GSK3A: variants seen among roughly 807,000 people sequenced by gnomAD.
The protein encoded by GSK3A is glycogen synthase kinase-3 alpha.
A neutral mutation model predicts 56.6 loss-of-function variants in GSK3A; 14 were observed. The ratio of observed to expected loss-of-function variants is 0.25; its 90% CI spans 0.16 to 0.39. The LOEUF (loss-of-function observed/expected upper bound fraction) is 0.39. Ranked by LOEUF, GSK3A falls within the 10% of genes least tolerant of loss-of-function variation. The probability of loss-of-function intolerance (pLI) is 1.00; values close to 1 mark genes in which losing one functional copy is unlikely to be tolerated. For missense variants in GSK3A, 450 were observed against 656.0 expected (o/e 0.69, Z 3.43); for synonymous variants, 301 against 285.0 (o/e 1.06, Z -0.56).
intron 2 of GSK3A, 135 bp from the exon 3 acceptor site, chr19:42,237,076 A>C: frequency 1.5e-6 from 1 of 685,982 alleles, no homozygotes; most frequent in Non-Finnish European, 2.7e-6. Context: ...GTATCCCCCA[A>C]TTCCTTGTCT....
intron 4 of GSK3A, among the ~76,000 whole-genome samples, chr19:42,235,788 C>T (rs932706434): frequency 2.0e-5 from 3 of 152,188 alleles, no homozygotes; most frequent in South Asian, 2.1e-4. Flanking sequence ...AGGCCTGGGT[C>T]GCAGTCAGTG....
chr19:42,239,504 C>T (rs1203606088), intron 2 of GSK3A, among the ~76,000 whole-genome samples: 2 of 152,122 alleles, frequency 1.3e-5, no homozygotes, highest in African/African-American at 4.8e-5. Flanking sequence ...CCTTCAGAAC[C>T]ACCCGCGCTA....
In GSK3A at chr19:42,242,220, T is replaced by A; in HGVS notation, c.246A>T (p.Ala82=). 6.9e-7 allele frequency: 1 copy of A among 1,443,356 alleles called. No individual in the cohort carries two copies. Among genetic ancestry groups the A allele is most frequent in the South Asian group, 1.4e-5 (1 of 72,712 alleles). The allele number at this position is 1,443,356 out of a possible 1,614,324, so 89.4% of individuals were successfully genotyped here. A position where few individuals can be genotyped will look rare whatever the true frequency, so the allele number is the denominator to read the frequency against. ...SGGGGSGGPG[A]GTSFPPPGVK... Reference sequence around the variant, plus strand: ...CCCCGGGCGGCGGGAAGCTAGTGCCTGCGCCGGGGCCTCCGCTGCCTCCTC... The same window carrying A: ...CCCCGGGCGGCGGGAAGCTAGTGCCAGCGCCGGGGCCTCCGCTGCCTCCTC... Residue 82 remains alanine (A), a synonymous_variant, in exon 1 of 11, where the codon GCA becomes GCT. Transcript: ENST00000222330.
At position 42,242,425 on chromosome 19, in the gene GSK3A, G is replaced by A. The variant is rs747505933; in HGVS notation, c.41C>T (p.Ser14Leu). 8 of 1,343,694 alleles carry A rather than the reference G, an allele frequency of 6.0e-6. 1 individual carries two copies. The highest frequency in any genetic ancestry group is 2.8e-4 in the Middle Eastern group (1 of 3,622). The allele number at this position is 1,343,694 out of a possible 1,614,324, so 83.2% of individuals were successfully genotyped here. Residue 14 changes from serine to leucine, a missense_variant, in exon 1 of 11, where the codon TCG (serine) becomes TTG (leucine). By Grantham distance (145) the Ser-to-Leu change is moderately radical (BLOSUM62 -2). This residue lies in a region of GSK3A where 193 missense variants were observed against 200.5 expected (regional missense o/e 0.96). Transcript: ENST00000222330. ...GGPSGGGPGG[S>L]GRARTSSFAE... ...GAACGAGCTAGTCCGCGCCCTGCCC[G>A]AGCCCCCAGGGCCGCCTCCCGAAGG...
At chr19:42,233,063 G>A (rs369235427) in intron 8 of GSK3A, 47 bp downstream of exon 8, 5 of 1,252,706 alleles carry the variant, frequency 4.0e-6, no homozygotes, top group Non-Finnish European at 4.5e-6. Flanking sequence ...CCTCCAAGGG[G>A]GACCAGCTCT....
chr19:42,239,935 C>G lies in GSK3A; in HGVS notation c.471+20G>C. 1 of 1,609,186 alleles carries G rather than the reference C, an allele frequency of 6.2e-7. No individual in the cohort carries two copies. Among genetic ancestry groups the G allele is most frequent in the Non-Finnish European group, 8.5e-7 (1 of 1,175,710 alleles). On this transcript the variant is annotated intron_variant, in intron 2 of 10. Transcript: ENST00000222330. The stretch of plus-strand genomic sequence containing the variant: ...ACACCCAGTCCCCAAACCTCCCTGT[C>G]CCCATCCCGCCCAAGCTACCTTGAA...
In GSK3A at chr19:42,240,692, A is replaced by G. The variant is rs142709817; in HGVS notation, c.284-550T>C. The G allele has an allele frequency of 6.6e-3, 1,051 of 160,392 alleles. 21 individuals carry two copies. The highest frequency in any genetic ancestry group is 0.024 in the African/African-American group (1,003 of 41,680). 9.9% of individuals were successfully genotyped at this position (160,392 alleles called of 1,614,324 possible). On this transcript the variant is annotated intron_variant, in intron 1 of 10. Coordinates refer to ENST00000222330, the MANE Select transcript of GSK3A (RefSeq NM_019884.3). ...ACAGAAATGAATGTCCTCTCCTGCT[A>G]TAAGTGCCAGTGCCCTGACCCTCAC...
chr19:42,235,649 C>G (rs2036252497), intron 4 of GSK3A, among the ~76,000 whole-genome samples: 1 of 152,144 alleles, frequency 6.6e-6, no homozygotes, highest in Non-Finnish European at 1.5e-5. Flanking sequence ...CACCCACAAA[C>G]CAGGCTGGGT....
chr19:42,232,267 CCT>C, intron 9 of GSK3A, 118 bp from the exon 10 acceptor site: 1 of 755,122 alleles, frequency 1.3e-6, no homozygotes, highest in Non-Finnish European at 2.3e-6. Flanking sequence ...CAGCCACAGA[CCT>C]CTCTCAATGA....
Position 42,230,413 on chromosome 19 carries a change from A to AAT in GSK3A, c.*379_*380dup, listed in dbSNP as rs1211538535. The AAT allele has an allele frequency of 4.5e-6, 1 of 224,606 alleles. No homozygotes were observed. Among genetic ancestry groups the AAT allele is most frequent in the African/African-American group, 2.3e-5 (1 of 44,084 alleles). 13.9% of individuals were successfully genotyped at this position (224,606 alleles called of 1,614,324 possible). ...TTTTCTTTAAGAAAAAAATTATAAC[A>AAT]ATCTATTTACACCCGGGGGCCAGGG... is the stretch of plus-strand genomic sequence containing the variant. On this transcript the variant is annotated 3_prime_UTR_variant, in exon 11 of 11. Transcript: ENST00000222330.
chr19:42,234,885 G>A lies in GSK3A; in HGVS notation c.667-207C>T, dbSNP rs905024809. On this transcript the variant is annotated intron_variant, in intron 4 of 10. Coordinates refer to ENST00000222330, the MANE Select transcript of GSK3A (RefSeq NM_019884.3). The surrounding 1 kb of genome is among the most constrained non-coding windows in gnomAD (Gnocchi z 5.7). ...TTAAAACAGGGACTACTGGCTGGGC[G>A]TGGCGGGTCACGCCTGTAATCCCGG... Among the ~76,000 whole-genome samples the A allele has an allele frequency of 1.3e-5, 2 of 152,206 alleles. No homozygotes were observed. Among genetic ancestry groups the A allele is most frequent in the African/African-American group, 4.8e-5 (2 of 41,446 alleles).
chr19:42,239,339 C>G (rs1196804212), intron 2 of GSK3A, among the ~76,000 whole-genome samples: 2 of 152,220 alleles, frequency 1.3e-5, no homozygotes, highest in Admixed American at 1.3e-4. Flanking sequence ...TCTCCTACAT[C>G]CAGACTAGTC....
chr19:42,230,300 AG>A lies in GSK3A; in HGVS notation c.*493del, dbSNP rs1193033058. The A allele has an allele frequency of 6.2e-6, 1 of 160,770 alleles. No homozygotes were observed. The highest frequency in any genetic ancestry group is 1.4e-5 in the Non-Finnish European group (1 of 72,924). The allele number at this position is 160,770 out of a possible 1,614,324, so 10.0% of individuals were successfully genotyped here. On this transcript the variant is annotated 3_prime_UTR_variant, in exon 11 of 11. Transcript: ENST00000222330. ...TCCCCTGGCCCTCCAGGGTGGGGTG[AG>A]GAGGGAGTAGACCTTGGGGGCAGAG...
chr19:42,236,549 G>T, intron 4 of GSK3A, 57 bp downstream of exon 4: 1 of 1,023,454 alleles, frequency 9.8e-7, no homozygotes, highest in Non-Finnish European at 1.6e-6. Flanking sequence ...AAGGCAGGAG[G>T]CTCCAGAGCC....
Position 42,234,685 on chromosome 19 carries a change from C to T in GSK3A, c.667-7G>A, listed in dbSNP as rs539955255. 103 of 1,577,082 alleles carry T rather than the reference C, an allele frequency of 6.5e-5. No homozygotes were observed. The highest frequency in any genetic ancestry group is 8.3e-5 in the Non-Finnish European group (96 of 1,160,202). On this transcript the variant is annotated splice_polypyrimidine_tract_variant and splice_region_variant and intron_variant, in intron 4 of 10. Transcript: ENST00000222330. This position sits in a 1 kb window ranked among gnomAD's most constrained non-coding sequence, Gnocchi z 5.7. The stretch of plus-strand genomic sequence containing the variant: ...AGAGCTGGTACATGTACACCTGCGG[C>T]GGGCACAGGATAGCAGAACTTTAGC...
intron 3 of GSK3A, 43 bp from the exon 4 acceptor site, chr19:42,236,759 T>C (rs780931182): frequency 5.2e-6 from 8 of 1,528,560 alleles, no homozygotes; most frequent in Non-Finnish European, 7.3e-6. Context: ...GTGAGAAGAG[T>C]GAGGAGGGGG....
chr19:42,240,116 C>T lies in GSK3A; in HGVS notation c.310G>A (p.Val104Ile), dbSNP rs148059197. ...TCTGGGCCTTGGCCTAGAGTGGCTA[C>T]GACTGTGGTCACCTTCCCGCTGTCA... The part of the protein sequence containing the change: ...GRDSGKVTTV[V>I]ATLGQGPERS... The change falls in exon 2 of 11, where the codon GTA becomes ATA. Residue 104 changes from valine (V) to isoleucine (I), a missense_variant. Val to Ile is a conservative substitution (Grantham distance 29, BLOSUM62 3). Transcript: ENST00000222330. The T allele has an allele frequency of 4.0e-5, 64 of 1,614,060 alleles. No homozygotes were observed. Among genetic ancestry groups the T allele is most frequent in the Middle Eastern group, 1.6e-4 (1 of 6,062 alleles).
Position 42,234,277 on chromosome 19 carries a change from C to T in GSK3A, c.904+76G>A. On this transcript the variant is annotated intron_variant, in intron 6 of 10. Coordinates refer to ENST00000222330, the MANE Select transcript of GSK3A (RefSeq NM_019884.3). The surrounding 1 kb of genome is among the most constrained non-coding windows in gnomAD (Gnocchi z 5.7). ...CAGAAGTTAAGCTTTCATCACCAAG[C>T]TTGGCATACAGCACACAGAAAACTC... 3 of 1,002,296 alleles carry T rather than the reference C, an allele frequency of 3.0e-6. No individual in the cohort carries two copies. The highest frequency in any genetic ancestry group is 4.8e-6 in the Non-Finnish European group (3 of 623,908). 62.1% of individuals were successfully genotyped at this position (1,002,296 alleles called of 1,614,324 possible).
Position 42,233,395 on chromosome 19 carries a change from T to C in GSK3A, c.905-12A>G. ...AGCTGACCAAACATCTGAGGGGAAA[T>C]GGAGGGAGCGTCAGGGCTAGGCGAG... On this transcript the variant is annotated splice_polypyrimidine_tract_variant and intron_variant, in intron 6 of 10. Transcript: ENST00000222330. 1 of 1,551,510 alleles carries C rather than the reference T, an allele frequency of 6.4e-7. No homozygotes were observed.
Sources: gnomAD v4.1 joint callset for allele counts (sites outside exome capture counted in the v4.1 genomes callset) on GRCh38, gnomAD v4.1.1 for gene constraint, gnomAD v4.1.1 regional missense constraint, Gnocchi (gnomAD v3.1) non-coding constraint, MANE v1.5 for transcripts, NCBI Gene and HGNC (gene_info 2026-07-23, HGNC 2026-07-21) for gene names.